Variants in JAM3 observed in about 807,000 individuals in gnomAD.
JAM3 encodes the protein junctional adhesion molecule 3, also known as junctional adhesion molecule C.
A neutral mutation model predicts 39.4 loss-of-function variants in JAM3; 31 were observed. The observed-to-expected ratio is 0.79, with a 90% CI of 0.59 to 1.06. The LOEUF (loss-of-function observed/expected upper bound fraction) is 1.06. JAM3 is among the 50% of genes least tolerant of loss of function. JAM3 has a pLI of 0.00. For missense variants in JAM3, 455 were observed against 391.4 expected, an observed-to-expected ratio of 1.16 and a Z score of -1.37; for synonymous variants, 182 against 148.7, an observed-to-expected ratio of 1.22 and a Z score of -1.63.
intron 1 of JAM3, among the ~76,000 whole-genome samples, chr11:134,120,820 A>G (rs577285437): frequency 2.8e-4 from 43 of 152,326 alleles, no homozygotes; most frequent in African/African-American, 1.0e-3. Context: ...GAATCAGGAA[A>G]TTTGTGGGCT....
At chr11:134,080,969 T>G (rs1255414408) in intron 1 of JAM3, among the ~76,000 whole-genome samples, 1 of 152,162 alleles carries the variant, frequency 6.6e-6, no homozygotes, top group Admixed American at 6.5e-5. Flanking sequence ...TAGGAACTTG[T>G]TGGGAACTGG....
intron 1 of JAM3, among the ~76,000 whole-genome samples, chr11:134,094,161 AG>A (rs1941930481): frequency 7.0e-6 from 1 of 142,830 alleles, no homozygotes; most frequent in Non-Finnish European, 1.5e-5. Context: ...TCACTTCCTG[AG>A]GGAAACTTCT....
intron 1 of JAM3, chr11:134,070,149 A>G (rs1941464360): frequency 2.2e-6 from 1 of 456,260 alleles, no homozygotes; most frequent in Non-Finnish European, 4.4e-6. Flanking sequence ...TCTGTGAGAT[A>G]GGTTTCATTA....
chr11:134,097,159 C>CACCATG (rs1426592502), intron 1 of JAM3, among the ~76,000 whole-genome samples: 3 of 152,162 alleles, frequency 2.0e-5, no homozygotes, highest in Non-Finnish European at 2.9e-5. Context: ...TGAGGGGAAA[C>CACCATG]ACCATGAGAG....
In JAM3 at chr11:134,148,787, A is replaced by G. The variant is rs779948713; in HGVS notation, c.866A>G (p.Asp289Gly). Residue 289 changes from aspartate to glycine, a missense_variant, in exon 8 of 9, where the codon GAT (aspartate) becomes GGT (glycine). Transcript: ENST00000299106. ...AGTTACAAGAACCCAGGGAAACCAG[A>G]TGGAGTTAACTACATCCGCACTGAC... is the stretch of plus-strand genomic sequence containing the variant. The part of the protein sequence containing the change: ...GESYKNPGKP[D>G]GVNYIRTDEE... 4 of 1,614,090 alleles carry G rather than the reference A, an allele frequency of 2.5e-6. No homozygotes were observed. The East Asian group carries it at 8.9e-5, about 36-fold the overall frequency.
At chr11:134,130,139 A>G (rs1231134146) in intron 1 of JAM3, among the ~76,000 whole-genome samples, 1 of 152,214 alleles carries the variant, frequency 6.6e-6, no homozygotes, top group Non-Finnish European at 1.5e-5. Flanking sequence ...CTAGTTCTGG[A>G]TTGAAAACAC....
intron 1 of JAM3, among the ~76,000 whole-genome samples, chr11:134,113,233 T>C (rs1328616044): frequency 6.6e-6 from 1 of 151,788 alleles, no homozygotes; most frequent in African/African-American, 2.4e-5. Flanking sequence ...AGGGTACATG[T>C]GCACAACGTG....
Position 134,123,352 on chromosome 11 carries a change from GAA to G in JAM3, c.77-16494_77-16493del, listed in dbSNP as rs1170290732. On this transcript the variant is annotated intron_variant, in intron 1 of 8. Coordinates refer to ENST00000299106, the MANE Select transcript of JAM3 (RefSeq NM_032801.5). ...AAAAAGGGACATGTAGGAGAGGAAG[GAA>G]AAAAGGAGAAAAATACACCACCACC... 4.0e-5 allele frequency among the ~76,000 whole-genome samples: 6 copies of G among 151,788 alleles called. No individual in the cohort carries two copies. In the South Asian group the frequency reaches 1.3e-3, roughly 32 times the overall value.
intron 1 of JAM3, among the ~76,000 whole-genome samples, chr11:134,131,275 A>G (rs1942764524): frequency 6.6e-6 from 1 of 151,940 alleles, no homozygotes; most frequent in South Asian, 2.1e-4. Context: ...TGTTTATTTC[A>G]GCTTTTGGCA....
chr11:134,075,108 G>C (rs1941545089), intron 1 of JAM3, among the ~76,000 whole-genome samples: 1 of 151,332 alleles, frequency 6.6e-6, no homozygotes, highest in Admixed American at 6.6e-5. Flanking sequence ...TTTCATGGCA[G>C]TAAAGCATTC....
intron 1 of JAM3, among the ~76,000 whole-genome samples, chr11:134,112,186 A>G (rs1256603188): frequency 6.6e-6 from 1 of 152,120 alleles, no homozygotes; most frequent in Non-Finnish European, 1.5e-5. Flanking sequence ...TCCCGGGTTC[A>G]AGGAATTCTC....
At chr11:134,148,959 C>CACAT (rs1016506486) in intron 8 of JAM3, 141 bp downstream of exon 8, 25 of 306,422 alleles carry the variant, frequency 8.2e-5, no homozygotes, top group Non-Finnish European at 1.1e-4. Flanking sequence ...CACAGTAACA[C>CACAT]ACACACACAC....
chr11:134,097,914 G>C (rs1396125826), intron 1 of JAM3, among the ~76,000 whole-genome samples: 2 of 151,786 alleles, frequency 1.3e-5, no homozygotes, highest in Non-Finnish European at 2.9e-5. Context: ...TTGAGTTTAT[G>C]ACATTAAGGA....
At chr11:134,105,033 G>C (rs1428267358) in intron 1 of JAM3, among the ~76,000 whole-genome samples, 3 of 152,124 alleles carry the variant, frequency 2.0e-5, no homozygotes, top group South Asian at 2.1e-4. Flanking sequence ...TGATACCAAA[G>C]CCTGGCAGAG....
At chr11:134,093,274 C>T (rs918568015) in intron 1 of JAM3, among the ~76,000 whole-genome samples, 3 of 136,592 alleles carry the variant, frequency 2.2e-5, no homozygotes, top group Non-Finnish European at 4.7e-5. Flanking sequence ...CTCCTGAAAC[C>T]TCCTTATTCG....
At chr11:134,143,721 G>A (rs1943016813) in intron 3 of JAM3, among the ~76,000 whole-genome samples, 1 of 152,156 alleles carries the variant, frequency 6.6e-6, no homozygotes, top group African/African-American at 2.4e-5. Context: ...TGTGCTTTTG[G>A]TGTCATATCT....
intron 1 of JAM3, among the ~76,000 whole-genome samples, chr11:134,101,362 TAG>T (rs1942069886): frequency 6.6e-6 from 1 of 152,182 alleles, no homozygotes. Context: ...TAACTATAAG[TAG>T]AGTCATTTGA....
At chr11:134,069,317 C>T (rs974458793) in intron 1 of JAM3, among the ~76,000 whole-genome samples, 158 bp downstream of exon 1, 3 of 152,154 alleles carry the variant, frequency 2.0e-5, no homozygotes, top group African/African-American at 7.2e-5. Flanking sequence ...GCCCGCGTCC[C>T]CGCAGCCAGG....
At chr11:134,119,791 CAT>C (rs1408631065) in intron 1 of JAM3, among the ~76,000 whole-genome samples, 18 of 152,166 alleles carry the variant, frequency 1.2e-4, no homozygotes, top group African/African-American at 4.1e-4. Flanking sequence ...CAAGTTGACA[CAT>C]AAAATTAACC....
Sources: gnomAD v4.1 joint callset for allele counts (sites outside exome capture counted in the v4.1 genomes callset) on GRCh38, gnomAD v4.1.1 for gene constraint, MANE v1.5 for transcripts, NCBI Gene and HGNC (gene_info 2026-07-23, HGNC 2026-07-21) for gene names.